The following ZNF112 variants were observed in gnomAD, a reference collection of about 807,000 sequenced individuals.
ZNF112 encodes the protein zinc finger protein 112.
A neutral mutation model predicts 77.7 loss-of-function variants in ZNF112; 37 were observed. The ratio of observed to expected loss-of-function variants is 0.48; its 90% CI spans 0.37 to 0.63. The LOEUF (loss-of-function observed/expected upper bound fraction) is 0.63. ZNF112 is among the 20% of genes least tolerant of loss of function. The probability of loss-of-function intolerance (pLI) is 0.00; values close to 1 mark genes in which losing one functional copy is unlikely to be tolerated. For missense variants in ZNF112, 950 were observed against 1,077.4 expected, an observed-to-expected ratio of 0.88 and a Z score of 1.66; for synonymous variants, 333 against 363.6, an observed-to-expected ratio of 0.92 and a Z score of 0.96.
upstream of ZNF112, among the ~76,000 whole-genome samples, chr19:44,358,629 A>G (rs1244143211): frequency 6.6e-6 from 1 of 152,228 alleles, no homozygotes; most frequent in Non-Finnish European, 1.5e-5. Context: ...TAAAATTCGC[A>G]TCTTTTCAAG....
At chr19:44,360,863 T>A (rs1433803309), upstream of ZNF112, among the ~76,000 whole-genome samples, 2 of 152,216 alleles carry the variant, frequency 1.3e-5, no homozygotes, top group African/African-American at 4.8e-5. Flanking sequence ...ACTCAGTGTA[T>A]AAACCTATAA....
upstream of ZNF112, among the ~76,000 whole-genome samples, chr19:44,359,480 C>T (rs568234645): frequency 1.3e-5 from 2 of 151,838 alleles, no homozygotes; most frequent in African/African-American, 4.8e-5. Flanking sequence ...TGCGCCACCA[C>T]GCCCAGCTAA....
chr19:44,346,545 T>C (rs1444484619), intron 1 of ZNF112, among the ~76,000 whole-genome samples: 12 of 152,306 alleles, frequency 7.9e-5, no homozygotes, highest in Admixed American at 5.9e-4. Context: ...AAAAATCTAT[T>C]GGCTTCAGCA....
At chr19:44,341,719 C>T (rs998179024) in intron 1 of ZNF112, among the ~76,000 whole-genome samples, 5 of 152,116 alleles carry the variant, frequency 3.3e-5, no homozygotes, top group Admixed American at 6.5e-5. Flanking sequence ...TGGAGGACAC[C>T]GAGGTCTTTT....
intron 2 of ZNF112, among the ~76,000 whole-genome samples, chr19:44,337,316 ATATGTATAAAATATATATACAT>A (rs1970388965): frequency 1.9e-5 from 2 of 104,864 alleles, no homozygotes; most frequent in African/African-American, 8.6e-5. Context: ...TATATTTTGT[ATATGTATAAAATATATATACAT>A]TTTGTATATG....
intron 2 of ZNF112, among the ~76,000 whole-genome samples, chr19:44,338,536 A>G (rs756233093): frequency 6.6e-6 from 1 of 152,162 alleles, no homozygotes; most frequent in African/African-American, 2.4e-5. Context: ...AAAAGTGCAC[A>G]CTCTACCTAC....
chr19:44,337,598 C>A (rs982778261), intron 2 of ZNF112, among the ~76,000 whole-genome samples: 11 of 148,956 alleles, frequency 7.4e-5, no homozygotes, highest in Admixed American at 2.8e-4. Flanking sequence ...ATATTGTCAA[C>A]TTCCCCTCCC....
chr19:44,355,485 T>C (rs186299007), intron 1 of ZNF112, among the ~76,000 whole-genome samples: 11 of 152,316 alleles, frequency 7.2e-5, no homozygotes, highest in Non-Finnish European at 1.2e-4. Context: ...GCTTTCACGG[T>C]CCTCTAGTAA....
chr19:44,332,194 C>CA (rs1250748603), intron 3 of ZNF112, among the ~76,000 whole-genome samples: 2 of 151,894 alleles, frequency 1.3e-5, no homozygotes, highest in Non-Finnish European at 2.9e-5. Flanking sequence ...GACTCTGTCT[C>CA]AAAAAAACCC....
At chr19:44,353,598 C>A (rs1476312421) in intron 1 of ZNF112, among the ~76,000 whole-genome samples, 3 of 151,902 alleles carry the variant, frequency 2.0e-5, no homozygotes, top group Non-Finnish European at 2.9e-5. Flanking sequence ...ACAGACACTT[C>A]CGCAAAGAAG....
At chr19:44,330,078 A>G in intron 3 of ZNF112, 142 bp from the exon 4 acceptor site, 1 of 641,382 alleles carries the variant, frequency 1.6e-6, no homozygotes, top group South Asian at 2.4e-5. Context: ...TACTTAGAAA[A>G]TATCTCCTCT....
At position 44,328,212 on chromosome 19, in the gene ZNF112, G is replaced by T; in HGVS notation, c.1945C>A (p.His649Asn). ...GFSWSFNLQI[H>N]QRVHTGEKPY... The stretch of plus-strand genomic sequence containing the variant: ...TTTTCTCCTGTGTGAACCCTCTGAT[G>T]AATTTGAAGATTAAAGCTCCAACTG... Residue 649 changes from histidine to asparagine, a missense_variant, in exon 4 of 4, where the codon CAT becomes AAT. His to Asn is a moderately conservative substitution (Grantham distance 68, BLOSUM62 1). Coordinates refer to ENST00000354340, the MANE Select transcript of ZNF112 (RefSeq NM_013380.4). 1 of 1,614,072 alleles carries T rather than the reference G, an allele frequency of 6.2e-7. No individual in the cohort carries two copies. The highest frequency in any genetic ancestry group is 1.1e-5 in the South Asian group (1 of 91,072).
intron 1 of ZNF112, among the ~76,000 whole-genome samples, chr19:44,355,560 T>C (rs1303862125): frequency 6.6e-6 from 1 of 152,236 alleles, no homozygotes; most frequent in Non-Finnish European, 1.5e-5. Context: ...GGATGGAAAC[T>C]ATTTGAATTC....
intron 2 of ZNF112, among the ~76,000 whole-genome samples, 153 bp from the exon 3 acceptor site, chr19:44,336,871 G>A (rs1970378493): frequency 6.6e-6 from 1 of 150,576 alleles, no homozygotes; most frequent in South Asian, 2.1e-4. Flanking sequence ...CTAACTTCAT[G>A]ATTTTCTTTT....
chr19:44,340,697 A>C (rs916860256), intron 1 of ZNF112, among the ~76,000 whole-genome samples, 155 bp from the exon 2 acceptor site: 5 of 152,236 alleles, frequency 3.3e-5, no homozygotes, highest in Non-Finnish European at 1.5e-5. Flanking sequence ...ACCATTCACC[A>C]AAAGGGCTGC....
chr19:44,351,761 A>G (rs1002168392), intron 1 of ZNF112, among the ~76,000 whole-genome samples: 1 of 152,112 alleles, frequency 6.6e-6, no homozygotes, highest in Non-Finnish European at 1.5e-5. Flanking sequence ...TGCAAAGATT[A>G]GTAAAAATTA....
At chr19:44,348,046 T>C (rs1244498037) in intron 1 of ZNF112, among the ~76,000 whole-genome samples, 1 of 152,194 alleles carries the variant, frequency 6.6e-6, no homozygotes, top group Non-Finnish European at 1.5e-5. Context: ...TGGCTTCCCA[T>C]GAGAAATCCA....
chr19:44,345,827 G>C (rs989311955), intron 1 of ZNF112, among the ~76,000 whole-genome samples: 6 of 152,084 alleles, frequency 3.9e-5, no homozygotes, highest in African/African-American at 1.4e-4. Context: ...CCTTGCATGT[G>C]CCACCCCTCC....
chr19:44,344,640 T>C (rs908378621), intron 1 of ZNF112, among the ~76,000 whole-genome samples: 2 of 152,132 alleles, frequency 1.3e-5, no homozygotes, highest in Non-Finnish European at 2.9e-5. Context: ...AGTGCCCAGA[T>C]AGATGCCAGG....
Sources: allele counts gnomAD v4.1 joint callset (sites outside exome capture counted in the v4.1 genomes callset), GRCh38; gene constraint gnomAD v4.1.1; transcripts MANE v1.5; gene names NCBI Gene and HGNC (gene_info 2026-07-23, HGNC 2026-07-21).